SUPT3H: variants seen among roughly 807,000 people sequenced by gnomAD.
SUPT3H encodes SPT3 homolog, SAGA and STAGA complex component.
SUPT3H carries 44 observed loss-of-function variants against 44.3 expected under a neutral mutation model. The observed-to-expected ratio is 0.99, with a 90% CI of 0.78 to 1.28. The LOEUF (loss-of-function observed/expected upper bound fraction) is 1.28. Ranked by LOEUF, SUPT3H falls within the 50% of genes most tolerant of loss-of-function variation. The pLI, the probability that SUPT3H is intolerant of heterozygous loss-of-function variation, is 0.00. For missense variants in SUPT3H, 380 were observed against 387.1 expected (o/e 0.98, Z 0.15); for synonymous variants, 124 against 125.6 (o/e 0.99, Z 0.09).
chr6:45,075,341 A>T (rs1384514841), intron 3 of SUPT3H, among the ~76,000 whole-genome samples: 3 of 152,102 alleles, frequency 2.0e-5, no homozygotes, highest in Non-Finnish European at 4.4e-5. Flanking sequence ...ATGTTACACT[A>T]TATTGAATCA....
chr6:44,818,881 T>C (rs904377115), intron 11 of SUPT3H, among the ~76,000 whole-genome samples: 4 of 152,210 alleles, frequency 2.6e-5, no homozygotes, highest in African/African-American at 9.6e-5. Flanking sequence ...GGGAGTGCCA[T>C]ATGGTACATC....
intron 1 of SUPT3H, among the ~76,000 whole-genome samples, chr6:45,368,986 GTCAA>G (rs149491156): frequency 0.15 from 22,910 of 151,514 alleles, 1,940 homozygotes; most frequent in East Asian, 0.26. Context: ...ATACCAAATG[GTCAA>G]TCACTGAGAA....
At chr6:45,233,726 T>C (rs527823346) in intron 2 of SUPT3H, among the ~76,000 whole-genome samples, 9 of 152,350 alleles carry the variant, frequency 5.9e-5, no homozygotes, top group Admixed American at 3.9e-4. Flanking sequence ...CTATTTGTAA[T>C]TTTAGCTCTT....
chr6:44,906,642 A>G (rs1194480169), intron 10 of SUPT3H, among the ~76,000 whole-genome samples: 1 of 152,090 alleles, frequency 6.6e-6, no homozygotes, highest in Non-Finnish European at 1.5e-5. Flanking sequence ...GGCCCCTATA[A>G]TCCCAGTTAC....
intron 2 of SUPT3H, among the ~76,000 whole-genome samples, chr6:45,179,968 C>G (rs1392364322): frequency 6.6e-6 from 1 of 152,054 alleles, no homozygotes; most frequent in Non-Finnish European, 1.5e-5. Context: ...CTAGAAAACC[C>G]CACTGTCTCA....
At chr6:45,223,831 T>C (rs1766461839) in intron 2 of SUPT3H, among the ~76,000 whole-genome samples, 1 of 151,342 alleles carries the variant, frequency 6.6e-6, no homozygotes, top group Non-Finnish European at 1.5e-5. Context: ...GAATTTACTA[T>C]GAAGCACTAA....
chr6:45,255,802 A>G (rs183294142), intron 2 of SUPT3H, among the ~76,000 whole-genome samples: 1 of 152,272 alleles, frequency 6.6e-6, no homozygotes, highest in East Asian at 1.9e-4. Context: ...CACTCATTCA[A>G]TGGCTTTTAA....
chr6:44,950,839 AT>A (rs1266288880), intron 9 of SUPT3H, among the ~76,000 whole-genome samples: 3 of 98,352 alleles, frequency 3.1e-5, no homozygotes, highest in African/African-American at 4.4e-5. Flanking sequence ...TATTATTATT[AT>A]TTTTTATTTA....
At chr6:44,971,237 A>C (rs977191901) in intron 6 of SUPT3H, among the ~76,000 whole-genome samples, 1 of 152,122 alleles carries the variant, frequency 6.6e-6, no homozygotes, top group Non-Finnish European at 1.5e-5. Context: ...AAAATAAACC[A>C]CTTTCATCAC....
At chr6:44,947,926 G>C (rs1016826005) in intron 9 of SUPT3H, among the ~76,000 whole-genome samples, 9 of 152,096 alleles carry the variant, frequency 5.9e-5, no homozygotes, top group Admixed American at 5.2e-4. Context: ...ATCATGACAT[G>C]GGAGTAGCCA....
intron 2 of SUPT3H, among the ~76,000 whole-genome samples, chr6:45,219,632 CA>C (rs1765666462): frequency 6.6e-6 from 1 of 152,124 alleles, no homozygotes; most frequent in South Asian, 2.1e-4. Context: ...AAATTGAATT[CA>C]TAATTTTATA....
At chr6:44,913,911 T>C (rs1047767775) in intron 10 of SUPT3H, among the ~76,000 whole-genome samples, 2 of 152,216 alleles carry the variant, frequency 1.3e-5, no homozygotes, top group East Asian at 3.9e-4. Context: ...GTGATTTTCA[T>C]AACAAATGTT....
At chr6:45,101,828 TTTCA>T (rs1798623347) in intron 3 of SUPT3H, among the ~76,000 whole-genome samples, 1 of 151,928 alleles carries the variant, frequency 6.6e-6, no homozygotes, top group African/African-American at 2.4e-5. Flanking sequence ...TGGCAGTGAG[TTTCA>T]TTGTTTTTAT....
intron 7 of SUPT3H, among the ~76,000 whole-genome samples, chr6:44,958,917 CA>C (rs1775620609): frequency 6.7e-6 from 1 of 149,432 alleles, no homozygotes; most frequent in African/African-American, 2.5e-5. Flanking sequence ...CCCTGTCCCC[CA>C]GGCTGATAGT....
chr6:45,011,684 T>A (rs1252894953), intron 5 of SUPT3H, among the ~76,000 whole-genome samples: 1 of 152,096 alleles, frequency 6.6e-6, no homozygotes, highest in Non-Finnish European at 1.5e-5. Flanking sequence ...TACTATCTCT[T>A]ATATTTATGT....
chr6:45,145,021 A>G (rs1398693628), intron 2 of SUPT3H, among the ~76,000 whole-genome samples: 3 of 152,066 alleles, frequency 2.0e-5, no homozygotes, highest in African/African-American at 7.2e-5. Context: ...TAAATCACCA[A>G]TGACACAAAT....
At chr6:45,120,438 A>AAAAAAAAAAC in intron 2 of SUPT3H, among the ~76,000 whole-genome samples, 1 of 148,736 alleles carries the variant, frequency 6.7e-6, no homozygotes, top group South Asian at 2.1e-4. Flanking sequence ...AAAAAAAAAA[A>AAAAAAAAAAC]AAAGACTATA....
chr6:45,035,079 A>G (rs1037143331), intron 3 of SUPT3H, among the ~76,000 whole-genome samples: 1 of 152,190 alleles, frequency 6.6e-6, no homozygotes, highest in Non-Finnish European at 1.5e-5. Flanking sequence ...TGGAGTATTT[A>G]AAGTCTCTGA....
chr6:44,953,357 T>C lies in SUPT3H; in HGVS notation c.754A>G (p.Ser252Gly), dbSNP rs772754380. 2 of 1,614,162 alleles carry C rather than the reference T, an allele frequency of 1.2e-6. No individual in the cohort carries two copies. The highest frequency in any genetic ancestry group is 2.7e-5 in the African/African-American group (2 of 75,054). The part of the protein sequence containing the change: ...DMVTKAGDPF[S>G]HAISATFIQY... ...ATGAAGGTTGCAGAAATGGCATGGC[T>C]GAAGGGGTCCCCTGCCTTGGTTACC... is the stretch of plus-strand genomic sequence containing the variant. The change falls in exon 9 of 11, where the codon AGC becomes GGC. Residue 252 changes from serine (S) to glycine (G), a missense_variant. Physicochemically the swap from Ser to Gly is moderately conservative, Grantham distance 56. Coordinates refer to ENST00000371459, the MANE Select transcript of SUPT3H (RefSeq NM_003599.4).
Sources: gnomAD v4.1 joint callset for allele counts (sites outside exome capture counted in the v4.1 genomes callset) on GRCh38, gnomAD v4.1.1 for gene constraint, MANE v1.5 for transcripts, NCBI Gene and HGNC (gene_info 2026-07-23, HGNC 2026-07-21) for gene names.